NCKAP5: variants seen among roughly 807,000 people sequenced by gnomAD.
NCKAP5 encodes the protein nck-associated protein 5.
NCKAP5 carries 92 observed loss-of-function variants against 167.0 expected under a neutral mutation model. That is an observed-to-expected ratio of 0.55 (90% CI 0.47 to 0.66). The LOEUF (loss-of-function observed/expected upper bound fraction) is 0.66. NCKAP5 is among the 30% of genes least tolerant of loss of function. NCKAP5 has a pLI of 0.00. For missense variants in NCKAP5, 2,378 were observed against 2,315.0 expected, an observed-to-expected ratio of 1.03 and a Z score of -0.56; for synonymous variants, 891 against 877.4, an observed-to-expected ratio of 1.02 and a Z score of -0.27.
intron 1 of NCKAP5, among the ~76,000 whole-genome samples, chr2:133,560,198 T>C (rs1688059238): frequency 6.6e-6 from 1 of 152,192 alleles, no homozygotes; most frequent in Non-Finnish European, 1.5e-5. Context: ...CATGAATATT[T>C]TCGTAAGTAT....
intron 8 of NCKAP5, among the ~76,000 whole-genome samples, chr2:132,913,643 T>C (rs1694630562): frequency 6.6e-6 from 1 of 152,152 alleles, no homozygotes. Flanking sequence ...TGGACGCTGA[T>C]AAAGAGTATT....
chr2:132,682,306 T>C (rs2105046214), intron 19 of NCKAP5, among the ~76,000 whole-genome samples: 1 of 152,234 alleles, frequency 6.6e-6, no homozygotes, highest in Middle Eastern at 3.4e-3. Context: ...CCAGATTCCA[T>C]CCCTTGCTCT....
chr2:132,978,519 T>C (rs764627863), intron 7 of NCKAP5, among the ~76,000 whole-genome samples: 7 of 152,160 alleles, frequency 4.6e-5, no homozygotes, highest in Non-Finnish European at 8.8e-5. Flanking sequence ...GAGGTAATAT[T>C]TAGCTCTGAG....
intron 6 of NCKAP5, among the ~76,000 whole-genome samples, chr2:133,072,643 C>T (rs887570555): frequency 2.6e-5 from 4 of 152,130 alleles, no homozygotes; most frequent in African/African-American, 7.2e-5. Flanking sequence ...GGCTAACATT[C>T]AGTAAGCAAC....
chr2:133,385,343 T>A (rs1215026796), intron 3 of NCKAP5, among the ~76,000 whole-genome samples: 1 of 152,198 alleles, frequency 6.6e-6, no homozygotes, highest in Non-Finnish European at 1.5e-5. Context: ...ATATGTTGGA[T>A]TATGTTTTTT....
At chr2:133,063,981 G>A (rs1178119625) in intron 6 of NCKAP5, among the ~76,000 whole-genome samples, 1 of 152,176 alleles carries the variant, frequency 6.6e-6, no homozygotes, top group Admixed American at 6.5e-5. Flanking sequence ...CCATGGTGCT[G>A]CAACCCTCCA....
chr2:132,985,150 A>G (rs193041125), intron 7 of NCKAP5, among the ~76,000 whole-genome samples: 1 of 152,032 alleles, frequency 6.6e-6, no homozygotes, highest in Non-Finnish European at 1.5e-5. Context: ...ATTTGTTTTA[A>G]CAGAGAGACC....
At chr2:133,640,537 TACA>T in the NCKAP5 span, among the ~76,000 whole-genome samples, 2 of 152,192 alleles carry the variant, frequency 1.3e-5, no homozygotes, top group Non-Finnish European at 2.9e-5. Context: ...CAAACTTCTG[TACA>T]ACAAATAATG....
chr2:133,353,590 CA>C (rs1422828409), intron 3 of NCKAP5, among the ~76,000 whole-genome samples: 1 of 152,110 alleles, frequency 6.6e-6, no homozygotes, highest in Non-Finnish European at 1.5e-5. Flanking sequence ...TTTTTGTACC[CA>C]AAAAGTTGCC....
chr2:133,452,453 C>A (rs142519665), intron 3 of NCKAP5, among the ~76,000 whole-genome samples: 2 of 152,238 alleles, frequency 1.3e-5, no homozygotes, highest in African/African-American at 2.4e-5. Context: ...TAAATTTAGA[C>A]CTATGGCTGA....
intron 3 of NCKAP5, among the ~76,000 whole-genome samples, chr2:133,502,196 C>T (rs989686853): frequency 6.6e-6 from 1 of 152,230 alleles, no homozygotes; most frequent in South Asian, 2.1e-4. Flanking sequence ...TTTATATGTG[C>T]CTCTACTCAA....
chr2:133,144,644 G>A (rs941228776), intron 5 of NCKAP5, among the ~76,000 whole-genome samples: 1 of 152,146 alleles, frequency 6.6e-6, no homozygotes, highest in Non-Finnish European at 1.5e-5. Context: ...TGAAAATCAC[G>A]TAATATTTGT....
chr2:132,949,085 C>G lies in NCKAP5; in HGVS notation c.579+14635G>C, dbSNP rs72994855. On this transcript the variant is annotated intron_variant, in intron 8 of 19. Coordinates refer to ENST00000409261, the MANE Select transcript of NCKAP5 (RefSeq NM_207363.3). ...AGGAAGAAGGACAAGACCCACCCCC[C>G]ACCCTGCCCCATCCAGGGATAAGAA... 9.1e-3 allele frequency among the ~76,000 whole-genome samples: 962 copies of G among 105,970 alleles called. 20 individuals carry two copies. Among genetic ancestry groups the G allele is most frequent in the African/African-American group, 0.034 (894 of 25,924 alleles). The allele number at this position is 105,970 out of a possible 152,430, so 69.5% of individuals were successfully genotyped here. A position where few individuals can be genotyped will look rare whatever the true frequency, so the allele number is the denominator to read the frequency against.
At chr2:133,037,000 T>C (rs2079060276) in intron 6 of NCKAP5, among the ~76,000 whole-genome samples, 1 of 152,044 alleles carries the variant, frequency 6.6e-6, no homozygotes, top group Non-Finnish European at 1.5e-5. Flanking sequence ...CAAAAATCAG[T>C]AGCATTTCTA....
intron 3 of NCKAP5, among the ~76,000 whole-genome samples, chr2:133,367,381 C>A (rs909746144): frequency 1.3e-5 from 2 of 152,148 alleles, no homozygotes; most frequent in African/African-American, 4.8e-5. Flanking sequence ...TTCATCTCAG[C>A]CACAACTGGT....
chr2:132,729,085 A>T, intron 17 of NCKAP5, 133 bp from the exon 18 acceptor site: 1 of 1,156,438 alleles, frequency 8.6e-7, no homozygotes, highest in East Asian at 2.4e-5. Flanking sequence ...GCTTCCTGCC[A>T]CTCTGTCCCA....
chr2:133,387,241 GT>G (rs1233661778), intron 3 of NCKAP5, among the ~76,000 whole-genome samples: 2 of 151,716 alleles, frequency 1.3e-5, no homozygotes, highest in African/African-American at 4.9e-5. Flanking sequence ...GGCAGGCCTG[GT>G]GGTGACAAAA....
At chr2:133,668,608 T>C in the NCKAP5 span, among the ~76,000 whole-genome samples, 4 of 152,034 alleles carry the variant, frequency 2.6e-5, no homozygotes, top group Admixed American at 2.0e-4. Context: ...ATATTTGAAC[T>C]GTTTGCTTGT....
chr2:133,164,347 C>T (rs1456669265), intron 5 of NCKAP5, among the ~76,000 whole-genome samples: 1 of 152,116 alleles, frequency 6.6e-6, no homozygotes, highest in Non-Finnish European at 1.5e-5. Flanking sequence ...AAGGTAAAAA[C>T]GAGCTCTGGA....
Sources: allele counts gnomAD v4.1 joint callset (sites outside exome capture counted in the v4.1 genomes callset), GRCh38; gene constraint gnomAD v4.1.1; transcripts MANE v1.5; gene names NCBI Gene and HGNC (gene_info 2026-07-23, HGNC 2026-07-21).